The following ZNF493 variants were observed in gnomAD, a reference collection of about 807,000 sequenced individuals.
The protein encoded by ZNF493 is zinc finger protein 493.
In ZNF493, 11 loss-of-function variants were observed where a neutral mutation model predicts 12.2. That is an observed-to-expected ratio of 0.90 (90% CI 0.57 to 1.50). The LOEUF (loss-of-function observed/expected upper bound fraction) is 1.50, where lower values mean the gene tolerates loss of function less well. ZNF493 is among the 40% of genes most tolerant of loss of function. The pLI is 0.00. For missense variants in ZNF493, 950 were observed against 906.6 expected (o/e 1.05, Z -0.61); for synonymous variants, 286 against 302.6 (o/e 0.95, Z 0.57).
intron 3 of ZNF493, among the ~76,000 whole-genome samples, chr19:21,417,066 G>A (rs1023792443): frequency 4.6e-5 from 7 of 152,148 alleles, no homozygotes; most frequent in African/African-American, 1.4e-4. Context: ...AGTTTAGAAC[G>A]GGGCCTGAGA....
Position 21,423,274 on chromosome 19 carries a change from T to C in ZNF493, c.615T>C (p.Ile205=). Residue 205 remains isoleucine (I), a synonymous_variant, in exon 4 of 4, where the codon ATT becomes ATC. Transcript: ENST00000392288. ...LHLCQHKRIH[I]RENSYRCEEC... ...TATGTCAGCATAAAAGAATTCATAT[T>C]AGAGAGAATTCTTACCGATGTGAAG... 6.2e-7 allele frequency: 1 copy of C among 1,613,818 alleles called. No individual in the cohort carries two copies. The highest frequency in any genetic ancestry group is 1.1e-5 in the South Asian group (1 of 91,042).
In ZNF493 at chr19:21,423,471, G is replaced by A. The variant is rs749326817; in HGVS notation, c.812G>A (p.Gly271Asp). The A allele has an allele frequency of 1.9e-6, 3 of 1,613,460 alleles. No individual in the cohort carries two copies. Among genetic ancestry groups the A allele is most frequent in the Non-Finnish European group, 2.5e-6 (3 of 1,179,760 alleles). The change falls in exon 4 of 4, where the codon GGC becomes GAC. Residue 271 changes from glycine to aspartate, a missense_variant. Transcript: ENST00000392288. ...GQKPYKCEEC[G>D]TSFYQFSYLT... ...AAACCCTACAAATGTGAAGAATGTG[G>A]CACATCTTTCTACCAATTCTCATAC... is the stretch of plus-strand genomic sequence containing the variant.
rs772513196 is a variant in ZNF493, at chr19:21,424,321, T to A, written c.1662T>A (p.Phe554Leu). 6.2e-7 allele frequency: 1 copy of A among 1,613,670 alleles called. No individual in the cohort carries two copies. The highest frequency in any genetic ancestry group is 1.7e-5 in the Admixed American group (1 of 59,956). The stretch of plus-strand genomic sequence containing the variant: ...AATGTGAAGAATGTGGCAAAGCTTT[T>A]AATCGGTCCTCACACCTTACTACAC... ...PYKCEECGKA[F>L]NRSSHLTTHK... is the part of the protein sequence containing the mutation. The change falls in exon 4 of 4, where the codon TTT becomes TTA. Residue 554 changes from phenylalanine (F) to leucine (L), a missense_variant. Transcript: ENST00000392288.
In ZNF493 at chr19:21,424,179, A is replaced by G. The variant is rs1291983348; in HGVS notation, c.1520A>G (p.His507Arg). The G allele has an allele frequency of 1.9e-6, 3 of 1,613,676 alleles. No homozygotes were observed. Among genetic ancestry groups the G allele is most frequent in the South Asian group, 1.1e-5 (1 of 91,062 alleles). Residue 507 changes from histidine to arginine, a missense_variant, in exon 4 of 4, where the codon CAT (histidine) becomes CGT (arginine). Coordinates refer to ENST00000392288, the MANE Select transcript of ZNF493 (RefSeq NM_001076678.3). ...AACCAATCTTCAACCCTTAGTATAC[A>G]TAAAATAATTCATACTGGAGAAAAA... Reference protein sequence around the residue: ...AFNQSSTLSIHKIIHTGEKPY... With the variant: ...AFNQSSTLSIRKIIHTGEKPY...
intron 1 of ZNF493, among the ~76,000 whole-genome samples, chr19:21,404,752 G>T (rs1292930176): frequency 6.7e-6 from 1 of 150,324 alleles, no homozygotes; most frequent in Non-Finnish European, 1.5e-5. Context: ...CCAGTTTACT[G>T]TTCACATTAA....
intron 3 of ZNF493, among the ~76,000 whole-genome samples, chr19:21,415,351 G>A (rs536087957): frequency 2.2e-4 from 33 of 152,238 alleles, no homozygotes; most frequent in Admixed American, 3.9e-4. Context: ...CATGGCATAG[G>A]TAGGAATGCC....
chr19:21,397,413 T>G (rs979008962), intron 1 of ZNF493, 146 bp downstream of exon 1: 6 of 1,045,420 alleles, frequency 5.7e-6, no homozygotes, highest in Non-Finnish European at 8.9e-6. Flanking sequence ...GGCCTCAGTC[T>G]CCTTCAGCCG....
chr19:21,420,752 C>CT (rs372678195), intron 3 of ZNF493, among the ~76,000 whole-genome samples: 17,443 of 104,720 alleles, frequency 0.17, 1,819 homozygotes, highest in Non-Finnish European at 0.22. Context: ...GCAAATAACA[C>CT]TTTTTTTTTT....
intron 3 of ZNF493, among the ~76,000 whole-genome samples, chr19:21,417,567 T>C (rs1471957913): frequency 6.6e-6 from 1 of 152,172 alleles, no homozygotes; most frequent in Non-Finnish European, 1.5e-5. Context: ...TTGGTCCCTG[T>C]TTTATAGCAC....
rs2030877250 is a variant in ZNF493 at position 21,427,256 on chromosome 19, G to C, written c.*2272G>C. 6.0e-6 allele frequency: 1 copy of C among 166,794 alleles called. No homozygotes were observed. The highest frequency in any genetic ancestry group is 6.6e-5 in the Admixed American group (1 of 15,256). The allele number at this position is 166,794 out of a possible 1,614,324, so 10.3% of individuals were successfully genotyped here. ...AGAGTAATATTCTTTTGCATTATGA[G>C]AAAACTAGTATATTATTCATATATT... On this transcript the variant is annotated 3_prime_UTR_variant, in exon 4 of 4. Transcript: ENST00000392288.
intron 1 of ZNF493, 68 bp downstream of exon 1, chr19:21,397,335 G>A: frequency 3.1e-6 from 5 of 1,589,122 alleles, no homozygotes; most frequent in Non-Finnish European, 3.5e-6. Context: ...GGAAGTGGCT[G>A]TGGCGGGACT....
intron 3 of ZNF493, 99 bp from the exon 4 acceptor site, chr19:21,422,814 C>G (rs1380578332): frequency 1.9e-6 from 2 of 1,069,776 alleles, no homozygotes; most frequent in Admixed American, 3.0e-5. Flanking sequence ...GCTATGCTAT[C>G]TGGTTTATGC....
At chr19:21,409,078 G>T (rs542295968) in intron 3 of ZNF493, among the ~76,000 whole-genome samples, 1 of 151,886 alleles carries the variant, frequency 6.6e-6, no homozygotes, top group African/African-American at 2.4e-5. Context: ...CAGAGACGGG[G>T]TTTCACCATA....
chr19:21,410,060 G>GTACA (rs2030272747), intron 3 of ZNF493, among the ~76,000 whole-genome samples: 1 of 43,966 alleles, frequency 2.3e-5, no homozygotes, highest in Admixed American at 2.3e-4. Flanking sequence ...TTCATTGTGT[G>GTACA]TATATATATA....
At chr19:21,412,393 A>G (rs996952717) in intron 3 of ZNF493, 1 of 152,530 alleles carries the variant, frequency 6.6e-6, no homozygotes, top group Admixed American at 6.5e-5. Flanking sequence ...CCTTGCCCTC[A>G]TTCCGGTAAA....
intron 3 of ZNF493, among the ~76,000 whole-genome samples, chr19:21,409,427 G>A (rs773848353): frequency 6.9e-6 from 1 of 145,946 alleles, no homozygotes; most frequent in Non-Finnish European, 1.5e-5. Context: ...ATAAAATTTA[G>A]CATCTTAAAT....
At position 21,423,306 on chromosome 19, in the gene ZNF493, G is replaced by A. The variant is rs1420955962; in HGVS notation, c.647G>A (p.Gly216Asp). Residue 216 changes from glycine (G) to aspartate (D), a missense_variant, in exon 4 of 4, where the codon GGC (glycine) becomes GAC (aspartate). Transcript: ENST00000392288. The part of the protein sequence containing the change: ...RENSYRCEEC[G>D]KAFIWFSTLT... ...AATTCTTACCGATGTGAAGAATGTG[G>A]CAAAGCCTTTATCTGGTTTTCAACC... 1.9e-6 allele frequency: 3 copies of A among 1,613,702 alleles called. No individual in the cohort carries two copies. The highest frequency in any genetic ancestry group is 2.5e-6 in the Non-Finnish European group (3 of 1,179,852).
chr19:21,416,357 A>C (rs1329831253), intron 3 of ZNF493, among the ~76,000 whole-genome samples: 1 of 152,040 alleles, frequency 6.6e-6, no homozygotes, highest in Non-Finnish European at 1.5e-5. Context: ...TGTTGTAATA[A>C]ATCTCTTCCC....
At chr19:21,419,003 G>A (rs2030575664) in intron 3 of ZNF493, among the ~76,000 whole-genome samples, 1 of 152,114 alleles carries the variant, frequency 6.6e-6, no homozygotes, top group Admixed American at 6.6e-5. Context: ...AGATTTTGGG[G>A]GGCCTGTTCC....
Sources: gnomAD v4.1 joint callset for allele counts (sites outside exome capture counted in the v4.1 genomes callset) on GRCh38, gnomAD v4.1.1 for gene constraint, MANE v1.5 for transcripts, NCBI Gene and HGNC (gene_info 2026-07-23, HGNC 2026-07-21) for gene names.